The following SFXN1 variants were observed in gnomAD, a reference collection of about 807,000 sequenced individuals.
The protein encoded by SFXN1 is sideroflexin 1, also known as sideroflexin-1.
In SFXN1, 32 loss-of-function variants were observed where a neutral mutation model predicts 39.5. The ratio of observed to expected loss-of-function variants is 0.81; its 90% CI spans 0.61 to 1.09. The LOEUF (loss-of-function observed/expected upper bound fraction) is 1.09. SFXN1 is among the 50% of genes least tolerant of loss of function. The pLI, the probability that SFXN1 is intolerant of heterozygous loss-of-function variation, is 0.00. For missense variants in SFXN1, 402 were observed against 407.1 expected (o/e 0.99, Z 0.11); for synonymous variants, 136 against 146.5 (o/e 0.93, Z 0.52).
In SFXN1 at chr5:175,513,553, TGTC is replaced by T; in HGVS notation, c.690_692del (p.Val231del). The T allele has an allele frequency of 6.2e-7, 1 of 1,613,838 alleles. No homozygotes were observed. Among genetic ancestry groups the T allele is most frequent in the Non-Finnish European group, 8.5e-7 (1 of 1,179,890 alleles). ...CTGCGAAACAAGCCATCACGCAAGT[TGTC>T]GTGTCCAGGATTCTCATGGCAGCCC... On this transcript the variant is annotated inframe_deletion, in exon 7 of 11. Coordinates refer to ENST00000321442, the MANE Select transcript of SFXN1 (RefSeq NM_022754.7).
At chr5:175,509,311 A>C (rs780519895) in intron 3 of SFXN1, 109 bp downstream of exon 3, 4 of 1,117,348 alleles carry the variant, frequency 3.6e-6, no homozygotes, top group Non-Finnish European at 3.8e-6. Context: ...TAAGTATATG[A>C]AGTGACAAAC....
rs1002873516 is a variant in SFXN1, at chr5:175,491,164, G to A, written c.-9-931G>A. On this transcript the variant is annotated intron_variant, in intron 1 of 10. Coordinates refer to ENST00000321442, the MANE Select transcript of SFXN1 (RefSeq NM_022754.7). ...GCTCTTTAGCCAGAAAATAAAAATT[G>A]TATGAGGATAATTACATGCTGCAGA... Among the ~76,000 whole-genome samples the A allele has an allele frequency of 3.9e-5, 6 of 152,312 alleles. No individual in the cohort carries two copies. The East Asian group carries it at 9.6e-4, about 24-fold the overall frequency.
At chr5:175,499,729 C>A (rs1760000998) in intron 2 of SFXN1, among the ~76,000 whole-genome samples, 1 of 152,152 alleles carries the variant, frequency 6.6e-6, no homozygotes, top group Admixed American at 6.5e-5. Context: ...GATTGGGGAG[C>A]AAGGCAAGGA....
At chr5:175,494,330 A>G (rs1759775862) in intron 2 of SFXN1, among the ~76,000 whole-genome samples, 1 of 152,248 alleles carries the variant, frequency 6.6e-6, no homozygotes, top group Non-Finnish European at 1.5e-5. Context: ...GAAAGGGCTC[A>G]ATCTTTTCAT....
chr5:175,523,691 T>A (rs1286942360), intron 10 of SFXN1: 3 of 152,204 alleles, frequency 2.0e-5, no homozygotes, highest in Non-Finnish European at 2.9e-5. Context: ...TTTTTATGAT[T>A]CATTGAAACT....
In SFXN1 at chr5:175,478,609, G is replaced by GAGCAGCGCGGGC. The variant is rs1333048837; in HGVS notation, c.-39_-28dup. 1.3e-5 allele frequency: 2 copies of GAGCAGCGCGGGC among 151,814 alleles called. No homozygotes were observed. The highest frequency in any genetic ancestry group is 2.9e-5 in the Non-Finnish European group (2 of 68,098). 9.4% of individuals were successfully genotyped at this position (151,814 alleles called of 1,614,324 possible). On this transcript the variant is annotated 5_prime_UTR_variant, in exon 1 of 11. Transcript: ENST00000321442. ...GGAGGCTGCACTGAGCGGGACCTGC[G>GAGCAGCGCGGGC]AGCAGCGCGGGCGGCAGCCCGGGGG...
intron 3 of SFXN1, 136 bp from the exon 4 acceptor site, chr5:175,509,973 C>A: frequency 1.5e-6 from 1 of 668,038 alleles, no homozygotes; most frequent in Non-Finnish European, 2.6e-6. Flanking sequence ...GCACACAGAT[C>A]CTAAGCCTGT....
chr5:175,513,175 C>A (rs116236863), intron 6 of SFXN1, among the ~76,000 whole-genome samples: 1 of 151,740 alleles, frequency 6.6e-6, no homozygotes, highest in Non-Finnish European at 1.5e-5. Flanking sequence ...TGTCACATGC[C>A]TGTAATTCTA....
intron 1 of SFXN1, chr5:175,491,445 G>A (rs907163954): frequency 2.8e-4 from 42 of 151,602 alleles, no homozygotes; most frequent in African/African-American, 9.7e-4. Flanking sequence ...TTCAAACTTC[G>A]GACCTTGTTA....
chr5:175,494,546 G>A (rs975750037), intron 2 of SFXN1, among the ~76,000 whole-genome samples: 1 of 152,060 alleles, frequency 6.6e-6, no homozygotes, highest in South Asian at 2.1e-4. Context: ...TCAGGAGCTC[G>A]AGACCAGCCT....
chr5:175,494,669 T>G (rs907907801), intron 2 of SFXN1, among the ~76,000 whole-genome samples: 3 of 151,714 alleles, frequency 2.0e-5, no homozygotes, highest in Admixed American at 2.0e-4. Context: ...GGAGAACCGC[T>G]TGAACCTGGG....
intron 2 of SFXN1, among the ~76,000 whole-genome samples, chr5:175,493,282 C>A (rs1191316228): frequency 1.3e-5 from 2 of 151,954 alleles, no homozygotes; most frequent in Non-Finnish European, 1.5e-5. Flanking sequence ...GATGTAAAAA[C>A]CACTCTTACC....
intron 2 of SFXN1, among the ~76,000 whole-genome samples, chr5:175,495,903 CTTTTT>C (rs374528443): frequency 7.1e-6 from 1 of 141,090 alleles, no homozygotes. Context: ...TTAAAAGTGG[CTTTTT>C]TTTTTTTTTG....
chr5:175,487,962 C>T (rs1442398448), intron 1 of SFXN1, among the ~76,000 whole-genome samples: 1 of 152,184 alleles, frequency 6.6e-6, no homozygotes, highest in African/African-American at 2.4e-5. Context: ...TACCTCTTGC[C>T]ACCTGCGCTG....
intron 2 of SFXN1, among the ~76,000 whole-genome samples, chr5:175,508,643 A>AC (rs1433620371): frequency 7.2e-6 from 1 of 138,006 alleles, no homozygotes; most frequent in African/African-American, 3.2e-5. Context: ...AGGTGAGCAT[A>AC]AATTTTTTTT....
chr5:175,494,072 C>T (rs1759765238), intron 2 of SFXN1, among the ~76,000 whole-genome samples: 1 of 152,012 alleles, frequency 6.6e-6, no homozygotes. Flanking sequence ...AATTGGTGCT[C>T]CTAAAAGAGA....
intron 8 of SFXN1, among the ~76,000 whole-genome samples, chr5:175,521,666 T>C (rs1320919467): frequency 1.3e-5 from 2 of 152,190 alleles, no homozygotes; most frequent in Non-Finnish European, 2.9e-5. Flanking sequence ...ACCCAAGCAG[T>C]GCTCAGATTA....
At chr5:175,525,274 T>C (rs1464692790) in intron 10 of SFXN1, among the ~76,000 whole-genome samples, 1 of 152,220 alleles carries the variant, frequency 6.6e-6, no homozygotes, top group Admixed American at 6.5e-5. Flanking sequence ...TCAAGAAAGA[T>C]CTGCCTTCAA....
At chr5:175,483,780 C>T (rs1236140061) in intron 1 of SFXN1, 1 of 152,396 alleles carries the variant, frequency 6.6e-6, no homozygotes, top group Non-Finnish European at 1.5e-5. Context: ...TGTCTCCTAG[C>T]CTCTCTGAGT....
Sources: gnomAD v4.1 joint callset for allele counts (sites outside exome capture counted in the v4.1 genomes callset) on GRCh38, gnomAD v4.1.1 for gene constraint, MANE v1.5 for transcripts, NCBI Gene and HGNC (gene_info 2026-07-23, HGNC 2026-07-21) for gene names.